The following CCNB3 variants were observed in gnomAD, a reference collection of about 807,000 sequenced individuals.
The protein encoded by CCNB3 is G2/mitotic-specific cyclin-B3.
CCNB3 carries 12 observed loss-of-function variants against 68.0 expected under a neutral mutation model. The observed-to-expected ratio is 0.18, with a 90% CI of 0.11 to 0.29. The LOEUF (loss-of-function observed/expected upper bound fraction) is 0.29, where lower values mean the gene tolerates loss of function less well. CCNB3 is among the 10% of genes least tolerant of loss of function. The pLI is 1.00. For missense variants in CCNB3, 904 were observed against 993.1 expected (o/e 0.91, Z 1.21); for synonymous variants, 354 against 388.9 (o/e 0.91, Z 1.06).
At chrX:50,346,557 G>A in intron 9 of CCNB3, 95 bp from the exon 10 acceptor site, 1 of 887,890 alleles carries the variant, frequency 1.1e-6, no homozygotes, top group Non-Finnish European at 1.6e-6. Flanking sequence ...TTTATGCCAG[G>A]AAATCCTTCA....
chrX:50,288,118 A>C (rs2147025937), intron 3 of CCNB3, among the ~76,000 whole-genome samples: 1 of 107,794 alleles, frequency 9.3e-6, no homozygotes, highest in African/African-American at 3.4e-5. Context: ...ATGGCGAGTT[A>C]TATAATTATT....
chrX:50,226,841 GT>G (rs1935841447), intron 1 of CCNB3, among the ~76,000 whole-genome samples: 1 of 52,933 alleles, frequency 1.9e-5, no homozygotes, highest in African/African-American at 8.6e-5. Flanking sequence ...AATATATATA[GT>G]ATATATATAG....
chrX:50,215,235 C>T (rs1935553972), intron 1 of CCNB3, among the ~76,000 whole-genome samples: 1 of 110,333 alleles, frequency 9.1e-6, no homozygotes, highest in Non-Finnish European at 1.9e-5. Context: ...GTGATCCACC[C>T]GCCTCGGCCT....
chrX:50,297,482 G>T (rs2147040322), intron 5 of CCNB3, among the ~76,000 whole-genome samples: 1 of 111,618 alleles, frequency 9.0e-6, no homozygotes, highest in Admixed American at 9.5e-5. Flanking sequence ...CTGTTCCATT[G>T]GTCTATATCT....
Position 50,298,126 on chromosome X carries a change from C to T in CCNB3, c.335+3133C>T, listed in dbSNP as rs1211203185. 9.9e-5 allele frequency among the ~76,000 whole-genome samples: 11 copies of T among 111,370 alleles called. No homozygotes were observed. In the East Asian group the frequency reaches 3.1e-3, roughly 31 times the overall value. ...TTCCTAATTGAATGCCCTTTATTTC[C>T]TTCTGCTGCCTGATTGCCCTGGCCA... On this transcript the variant is annotated intron_variant, in intron 5 of 12. Coordinates refer to ENST00000376042, the MANE Select transcript of CCNB3 (RefSeq NM_033031.3).
chrX:50,292,288 T>C (rs781930946), intron 4 of CCNB3, among the ~76,000 whole-genome samples: 3 of 111,184 alleles, frequency 2.7e-5, no homozygotes, highest in African/African-American at 9.8e-5. Context: ...TACTTGTCTT[T>C]TTAGCCTCTT....
At chrX:50,206,046 C>T (rs1222120546) in intron 1 of CCNB3, among the ~76,000 whole-genome samples, 3 of 108,244 alleles carry the variant, frequency 2.8e-5, no homozygotes, top group Non-Finnish European at 5.7e-5. Flanking sequence ...ATCAAAAGAT[C>T]GAGACCATCC....
intron 5 of CCNB3, among the ~76,000 whole-genome samples, chrX:50,300,041 T>C (rs187059696): frequency 9.9e-4 from 110 of 111,646 alleles, no homozygotes; most frequent in Non-Finnish European, 1.2e-3. Flanking sequence ...GCCCATGAGA[T>C]GGGTTTCCTG....
intron 1 of CCNB3, among the ~76,000 whole-genome samples, chrX:50,214,507 TA>T: frequency 1.3e-5 from 1 of 74,896 alleles, no homozygotes; most frequent in Non-Finnish European, 2.6e-5. Flanking sequence ...TATATATATA[TA>T]TTTTAGCTGT....
At chrX:50,320,830 A>G (rs1921976754) in intron 8 of CCNB3, among the ~76,000 whole-genome samples, 1 of 110,383 alleles carries the variant, frequency 9.1e-6, no homozygotes, top group Admixed American at 9.7e-5. Flanking sequence ...ATTTAGGATT[A>G]TTATATCTTC....
At chrX:50,228,789 A>T (rs1322321445) in intron 1 of CCNB3, among the ~76,000 whole-genome samples, 2 of 75,723 alleles carry the variant, frequency 2.6e-5, no homozygotes, top group Non-Finnish European at 4.7e-5. Flanking sequence ...TATAGAATAT[A>T]TATATAGAAT....
In CCNB3 at chrX:50,226,069, AAT is replaced by A. The variant is rs1255429350; in HGVS notation, c.-113+21127_-113+21128del. On this transcript the variant is annotated intron_variant, in intron 1 of 12. Transcript: ENST00000376042. ...TACAAATATATATAGAATATATACG[AAT>A]ATATATAGAATATATATGAATATAT... Among the ~76,000 whole-genome samples the A allele has an allele frequency of 3.6e-5, 3 of 82,401 alleles. No individual in the cohort carries two copies. The East Asian group carries it at 1.1e-3, about 30-fold the overall frequency. The allele number at this position is 82,401 out of a possible 115,157, so 71.6% of individuals were successfully genotyped here.
chrX:50,333,551 C>T (rs1310061411), intron 8 of CCNB3, among the ~76,000 whole-genome samples: 1 of 111,340 alleles, frequency 9.0e-6, no homozygotes, highest in Non-Finnish European at 1.9e-5. Flanking sequence ...AACAATTTTT[C>T]AAGTGACTCT....
intron 1 of CCNB3, among the ~76,000 whole-genome samples, chrX:50,280,172 A>AAT (rs1402364384): frequency 1.4e-4 from 7 of 48,880 alleles, no homozygotes; most frequent in African/African-American, 4.4e-4. Context: ...ATATATATAG[A>AAT]ATATATATAT....
At position 50,218,761 on chromosome X, in the gene CCNB3, T is replaced by C. The variant is rs1024763379; in HGVS notation, c.-113+13811T>C. On this transcript the variant is annotated intron_variant, in intron 1 of 12. Transcript: ENST00000376042. ...AAACATACATGTGCATGTGTCTTTATAGTAGAGTGATTTATAATCCTTTGG... is the reference window on the plus strand; with the variant it reads ...AAACATACATGTGCATGTGTCTTTACAGTAGAGTGATTTATAATCCTTTGG... 9.8e-5 allele frequency among the ~76,000 whole-genome samples: 11 copies of C among 112,300 alleles called. No individual in the cohort carries two copies. The East Asian group carries it at 2.8e-3, about 28-fold the overall frequency.
intron 5 of CCNB3, among the ~76,000 whole-genome samples, chrX:50,296,908 T>C (rs1464560150): frequency 1.8e-5 from 2 of 111,148 alleles, no homozygotes; most frequent in Non-Finnish European, 3.8e-5. Flanking sequence ...CATGTGTTTT[T>C]TGGCTGCATA....
intron 12 of CCNB3, 67 bp from the exon 13 acceptor site, chrX:50,351,540 C>G (rs899549842): frequency 9.3e-7 from 1 of 1,077,192 alleles, no homozygotes; most frequent in African/African-American, 1.8e-5. Flanking sequence ...GTATGTCCCA[C>G]TTGTTCCATA....
intron 1 of CCNB3, among the ~76,000 whole-genome samples, chrX:50,207,865 T>A (rs1301853295): frequency 9.0e-6 from 1 of 111,398 alleles, no homozygotes; most frequent in African/African-American, 3.3e-5. Flanking sequence ...AGAGCTTTTT[T>A]AATCACCCCC....
chrX:50,293,162 G>A, intron 4 of CCNB3, among the ~76,000 whole-genome samples: 1 of 111,897 alleles, frequency 8.9e-6, no homozygotes, highest in East Asian at 2.8e-4. Context: ...TGTGCATAGA[G>A]GTGTTTATAG....
Sources: allele counts gnomAD v4.1 joint callset (sites outside exome capture counted in the v4.1 genomes callset), GRCh38; gene constraint gnomAD v4.1.1; transcripts MANE v1.5; gene names NCBI Gene and HGNC (gene_info 2026-07-23, HGNC 2026-07-21).